Variants in TENM4 observed in about 807,000 individuals in gnomAD.
TENM4 encodes teneurin transmembrane protein 4.
Under a neutral mutation model 243.3 loss-of-function variants are expected in TENM4, and 82 were observed. That is an observed-to-expected ratio of 0.34 (90% CI 0.28 to 0.40). TENM4 has a LOEUF of 0.40. Ranked by LOEUF, TENM4 falls within the 10% of genes least tolerant of loss-of-function variation. TENM4 has a pLI of 1.00. For synonymous variants in TENM4, 1,412 were observed against 1,456.3 expected, an observed-to-expected ratio of 0.97 and a Z score of 0.69; for missense variants, 3,138 against 3,673.3, an observed-to-expected ratio of 0.85 and a Z score of 3.77.
rs1407452811 is a variant in TENM4 at position 79,438,303 on chromosome 11, A to G, written c.-321+2206T>C. Among the ~76,000 whole-genome samples, 4 of 152,194 alleles carry G rather than the reference A, an allele frequency of 2.6e-5. No individual in the cohort carries two copies. The highest frequency in any genetic ancestry group is 5.9e-5 in the Non-Finnish European group (4 of 68,034). ...TACTGTGGTTTCTCTATCAAAGCCC[A>G]TCAACGTGATACACAGGCTGCGGCG... On this transcript the variant is annotated intron_variant, in intron 1 of 33. Transcript: ENST00000278550. The surrounding 1 kb of genome is among the most constrained non-coding windows in gnomAD (Gnocchi z 4.1).
intron 4 of TENM4, among the ~76,000 whole-genome samples, chr11:79,145,908 G>A (rs556130052): frequency 1.1e-4 from 17 of 152,098 alleles, no homozygotes; most frequent in Admixed American, 2.0e-4. Flanking sequence ...TGGCTATTTG[G>A]ACATCTTCTT....
intron 3 of TENM4, among the ~76,000 whole-genome samples, chr11:79,196,975 C>T (rs1863641212): frequency 6.6e-6 from 1 of 152,218 alleles, no homozygotes; most frequent in Admixed American, 6.5e-5. Flanking sequence ...GGCGCCTGGT[C>T]ATGCCCAGGG....
chr11:79,297,823 T>C (rs1321339235), intron 1 of TENM4, among the ~76,000 whole-genome samples: 1 of 152,120 alleles, frequency 6.6e-6, no homozygotes, highest in Non-Finnish European at 1.5e-5. Context: ...TTTTTATTTT[T>C]CATAGATGTC....
chr11:78,957,261 A>T (rs1857224872), intron 6 of TENM4, among the ~76,000 whole-genome samples: 1 of 152,164 alleles, frequency 6.6e-6, no homozygotes, highest in African/African-American at 2.4e-5. Context: ...ACACCCTCAG[A>T]ACTAGGTAAA....
At chr11:78,800,736 GGAGAGA>G (rs5792816) in intron 15 of TENM4, among the ~76,000 whole-genome samples, 85 of 144,326 alleles carry the variant, frequency 5.9e-4, no homozygotes, top group South Asian at 1.6e-3. Flanking sequence ...AGTTCACAGG[GGAGAGA>G]GAGAGAGAGA....
At chr11:78,985,407 T>G (rs1045970029) in intron 6 of TENM4, among the ~76,000 whole-genome samples, 1 of 152,360 alleles carries the variant, frequency 6.6e-6, no homozygotes, top group South Asian at 2.1e-4. Context: ...TTACTAATAA[T>G]GTGTGCTTCT....
chr11:79,154,456 C>T (rs2135065712), intron 3 of TENM4, among the ~76,000 whole-genome samples: 1 of 152,272 alleles, frequency 6.6e-6, no homozygotes, highest in Non-Finnish European at 1.5e-5. Context: ...CACTGGAGGT[C>T]ACATTTCAAC....
intron 15 of TENM4, among the ~76,000 whole-genome samples, chr11:78,791,495 T>C (rs1394850590): frequency 6.6e-6 from 1 of 152,248 alleles, no homozygotes; most frequent in Non-Finnish European, 1.5e-5. Flanking sequence ...TCAACTACTA[T>C]ACTTTGGAGG....
chr11:78,973,215 G>A (rs1857580989), intron 6 of TENM4, among the ~76,000 whole-genome samples: 1 of 152,238 alleles, frequency 6.6e-6, no homozygotes, highest in Admixed American at 6.5e-5. Context: ...GAGTGGAATT[G>A]CTGAATTGTA....
chr11:78,824,737 C>T (rs1857814115), intron 12 of TENM4, among the ~76,000 whole-genome samples: 1 of 152,132 alleles, frequency 6.6e-6, no homozygotes, highest in Admixed American at 6.5e-5. Flanking sequence ...CTCCTGAGCT[C>T]AGGCAATCCA....
chr11:79,376,780 G>T (rs1857900909), intron 1 of TENM4, among the ~76,000 whole-genome samples: 1 of 152,128 alleles, frequency 6.6e-6, no homozygotes, highest in Admixed American at 6.5e-5. Context: ...TCCCCTCAGA[G>T]TGGCTCACAC....
Position 79,352,656 on chromosome 11 carries a change from C to G in TENM4, c.-320-55113G>C, listed in dbSNP as rs141738044. 8.1e-3 allele frequency among the ~76,000 whole-genome samples: 1,230 copies of G among 152,296 alleles called. 6 individuals are homozygous for G. The highest frequency in any genetic ancestry group is 0.014 in the Middle Eastern group (4 of 294). ...AGGCGAGAGAGGCAAGGGGAAAATT[C>G]TGCCCCTTGCTCTCTTTGCCGGCCA... On this transcript the variant is annotated intron_variant, in intron 1 of 33. Coordinates refer to ENST00000278550, the MANE Select transcript of TENM4 (RefSeq NM_001098816.3).
intron 1 of TENM4, among the ~76,000 whole-genome samples, chr11:79,414,611 G>A (rs1858773775): frequency 6.6e-6 from 1 of 152,184 alleles, no homozygotes; most frequent in African/African-American, 2.4e-5. Flanking sequence ...GTTCCAAGTT[G>A]CTGGCCACTG....
chr11:79,138,591 A>ATATATT (rs1412566320), intron 4 of TENM4, among the ~76,000 whole-genome samples: 3 of 87,968 alleles, frequency 3.4e-5, no homozygotes, highest in African/African-American at 1.2e-4. Flanking sequence ...TAAATACATA[A>ATATATT]AACATATATT....
chr11:79,333,475 A>C (rs533132062), intron 1 of TENM4, among the ~76,000 whole-genome samples: 348 of 152,318 alleles, frequency 2.3e-3, no homozygotes, highest in African/African-American at 7.9e-3. Flanking sequence ...CCTATTACCC[A>C]GAATGGAAAG....
At chr11:78,943,859 TGTATTTTA>T (rs1856956424) in intron 6 of TENM4, among the ~76,000 whole-genome samples, 1 of 152,246 alleles carries the variant, frequency 6.6e-6, no homozygotes, top group African/African-American at 2.4e-5. Flanking sequence ...CTATTTACCA[TGTATTTTA>T]GTAACAACAA....
chr11:79,385,847 C>T (rs1242701170), intron 1 of TENM4, among the ~76,000 whole-genome samples: 2 of 152,106 alleles, frequency 1.3e-5, no homozygotes, highest in African/African-American at 4.8e-5. Flanking sequence ...GATCCCTGTG[C>T]CCCTCCTCCC....
intron 2 of TENM4, among the ~76,000 whole-genome samples, chr11:79,271,741 AG>A (rs1040776011): frequency 1.1e-4 from 16 of 152,196 alleles, no homozygotes; most frequent in Admixed American, 1.0e-3. Context: ...TCTCTCCCAC[AG>A]GGTCCTGGGG....
At chr11:79,262,997 G>C (rs1236979361) in intron 2 of TENM4, among the ~76,000 whole-genome samples, 1 of 152,162 alleles carries the variant, frequency 6.6e-6, no homozygotes, top group African/African-American at 2.4e-5. Flanking sequence ...AGCTCTCCCT[G>C]ACCACCTGCC....
Sources: allele counts gnomAD v4.1 joint callset (sites outside exome capture counted in the v4.1 genomes callset), GRCh38; gene constraint gnomAD v4.1.1; non-coding constraint Gnocchi (gnomAD v3.1); transcripts MANE v1.5; gene names NCBI Gene and HGNC (gene_info 2026-07-23, HGNC 2026-07-21).